SSH1: variants seen among roughly 807,000 people sequenced by gnomAD.
The protein encoded by SSH1 is protein phosphatase Slingshot homolog 1.
A neutral mutation model predicts 79.7 loss-of-function variants in SSH1; 43 were observed. The observed-to-expected ratio is 0.54, with a 90% CI of 0.42 to 0.70. The LOEUF (loss-of-function observed/expected upper bound fraction) is 0.70. Ranked by LOEUF, SSH1 falls within the 30% of genes least tolerant of loss-of-function variation. SSH1 has a pLI of 0.00. For synonymous variants in SSH1, 599 were observed against 538.3 expected (o/e 1.11, Z -1.56); for missense variants, 1,206 against 1,358.8 (o/e 0.89, Z 1.77).
chr12:108,847,525 G>A (rs1490806209), intron 2 of SSH1, among the ~76,000 whole-genome samples: 3 of 152,114 alleles, frequency 2.0e-5, no homozygotes, highest in African/African-American at 2.4e-5. Context: ...GTGCAGTGAC[G>A]CAAACTCGGC....
intron 2 of SSH1, among the ~76,000 whole-genome samples, chr12:108,824,855 T>C (rs1296172332): frequency 6.6e-6 from 1 of 152,214 alleles, no homozygotes; most frequent in Non-Finnish European, 1.5e-5. Context: ...AGCTATGAAT[T>C]ACTATCAATT....
intron 2 of SSH1, among the ~76,000 whole-genome samples, chr12:108,828,895 G>A (rs964766548): frequency 2.0e-5 from 3 of 152,328 alleles, no homozygotes; most frequent in Non-Finnish European, 1.5e-5. Context: ...GCTACGCCAC[G>A]TCATTGAACT....
intron 2 of SSH1, among the ~76,000 whole-genome samples, chr12:108,823,607 G>T (rs968289806): frequency 1.2e-4 from 19 of 152,144 alleles, no homozygotes; most frequent in Middle Eastern, 3.4e-3. Context: ...TTCTACATAG[G>T]CTCTCCAGGG....
In SSH1 at chr12:108,848,453, T is replaced by C. The variant is rs541052462; in HGVS notation, c.110+4185A>G. Among the ~76,000 whole-genome samples, 27 of 152,316 alleles carry C rather than the reference T, an allele frequency of 1.8e-4. No individual in the cohort carries two copies. The South Asian group carries it at 5.4e-3, about 30-fold the overall frequency. On this transcript the variant is annotated intron_variant, in intron 2 of 14. Coordinates refer to ENST00000326495, the MANE Select transcript of SSH1 (RefSeq NM_018984.4). ...ACAGCACCTCCTAGAGATGAGGTGATGGCAGCTCACCTTCAGGATCCATTG... is the reference window on the plus strand; with the variant it reads ...ACAGCACCTCCTAGAGATGAGGTGACGGCAGCTCACCTTCAGGATCCATTG...
Position 108,811,911 on chromosome 12 carries a change from A to AG in SSH1, c.402-584dup, listed in dbSNP as rs745874865. Among the ~76,000 whole-genome samples the AG allele has an allele frequency of 3.3e-4, 50 of 152,328 alleles. 1 individual carries two copies. In the East Asian group the frequency reaches 4.6e-3, roughly 14 times the overall value. On this transcript the variant is annotated intron_variant, in intron 5 of 14. Coordinates refer to ENST00000326495, the MANE Select transcript of SSH1 (RefSeq NM_018984.4). The stretch of plus-strand genomic sequence containing the variant: ...CCTCAGATTATGATGAAAATTCTTC[A>AG]GGCATTTAAAAGTCGACTTGTGAGA...
chr12:108,815,209 CG>C (rs1407987185), intron 5 of SSH1, among the ~76,000 whole-genome samples: 2 of 152,308 alleles, frequency 1.3e-5, no homozygotes, highest in East Asian at 3.9e-4. Flanking sequence ...GGCCACTAAC[CG>C]GGATGACCCT....
At chr12:108,834,772 A>G (rs1220652792) in intron 2 of SSH1, among the ~76,000 whole-genome samples, 1 of 152,176 alleles carries the variant, frequency 6.6e-6, no homozygotes, top group African/African-American at 2.4e-5. Context: ...TTTTAACTTC[A>G]CAATGGGATG....
chr12:108,818,383 G>A, intron 3 of SSH1, 70 bp from the exon 4 acceptor site: 2 of 1,424,638 alleles, frequency 1.4e-6, no homozygotes, highest in Non-Finnish European at 2.0e-6. Flanking sequence ...CCTCTGAAAG[G>A]CTGACTTTGA....
In SSH1 at chr12:108,792,406, T is replaced by A. The variant is rs2136981313; in HGVS notation, c.1773A>T (p.Glu591Asp). 1.9e-6 allele frequency: 3 copies of A among 1,614,160 alleles called. No individual in the cohort carries two copies. The East Asian group carries it at 6.7e-5, about 36-fold the overall frequency. ...TCCCTGCTCCCAGGCCCTCCTCCCT[T>A]TCCGTCTCCTCCACCTGCAGCAAGG... ...SGSLLQVEETEREEGLGAGRW... is the reference protein window; with the variant it reads ...SGSLLQVEETDREEGLGAGRW... The change falls in exon 14 of 15, where the codon GAA becomes GAT. Residue 591 changes from glutamate (E) to aspartate (D), a missense_variant. By Grantham distance (45) the Glu-to-Asp change is conservative. Coordinates refer to ENST00000326495, the MANE Select transcript of SSH1 (RefSeq NM_018984.4).
intron 11 of SSH1, among the ~76,000 whole-genome samples, chr12:108,801,661 G>C (rs1391804415): frequency 6.7e-6 from 1 of 149,948 alleles, no homozygotes; most frequent in African/African-American, 2.5e-5. Context: ...GTTTAGTCTT[G>C]ATTTTTAAAC....
intron 5 of SSH1, among the ~76,000 whole-genome samples, chr12:108,816,422 G>A (rs963822147): frequency 6.6e-6 from 1 of 152,216 alleles, no homozygotes; most frequent in Non-Finnish European, 1.5e-5. Context: ...TGATCTCACA[G>A]GCATTCATTT....
rs141685416 is a variant in SSH1, at chr12:108,851,156, A to G, written c.110+1482T>C. Among the ~76,000 whole-genome samples, 1,036 of 152,304 alleles carry G rather than the reference A, an allele frequency of 6.8e-3. 11 individuals are homozygous for G. Among genetic ancestry groups the G allele is most frequent in the Non-Finnish European group, 0.01 (705 of 68,016 alleles). The stretch of plus-strand genomic sequence containing the variant: ...AGCATAACATTAAAAGTGAGGACCC[A>G]GCAGAAGTCCCCCAGCGAGGACCCA... On this transcript the variant is annotated intron_variant, in intron 2 of 14. Transcript: ENST00000326495.
chr12:108,792,485 T>A lies in SSH1; in HGVS notation c.1694A>T (p.Glu565Val). The stretch of plus-strand genomic sequence containing the variant: ...CTCTAGTTTCTTCTTCACATCCTTC[T>A]CACAGAGTCCGGAACCTTGCTGGGG... Reference protein sequence around the residue: ...RQPQQGSGLCEKDVKKKLEFG... With the variant: ...RQPQQGSGLCVKDVKKKLEFG... The change falls in exon 14 of 15, where the codon GAG (glutamate) becomes GTG (valine). Residue 565 changes from glutamate to valine, a missense_variant. Glu to Val is a moderately radical substitution (Grantham distance 121, BLOSUM62 -2). Transcript: ENST00000326495. The A allele has an allele frequency of 6.2e-7, 1 of 1,614,198 alleles. No individual in the cohort carries two copies. The highest frequency in any genetic ancestry group is 8.5e-7 in the Non-Finnish European group (1 of 1,180,030).
In SSH1 at chr12:108,792,307, C is replaced by T. The variant is rs767174024; in HGVS notation, c.1872G>A (p.Arg624=). 2 of 1,614,154 alleles carry T rather than the reference C, an allele frequency of 1.2e-6. No homozygotes were observed. Among genetic ancestry groups the T allele is most frequent in the South Asian group, 2.2e-5 (2 of 91,082 alleles). The change falls in exon 14 of 15, where the codon AGG becomes AGA. Residue 624 remains arginine, a synonymous_variant. Coordinates refer to ENST00000326495, the MANE Select transcript of SSH1 (RefSeq NM_018984.4). ...CTACCTCCATGCCGTTGGGACAGCT[C>T]CTCTTGCTGTTGTTGTTTAGGTTCT... ...NSENLNNNSK[R]SCPNGMEDDA...
rs1295849690 is a variant in SSH1, at chr12:108,780,616, G to A, written c.*7372C>T. Reference sequence around the variant, plus strand: ...GCCCATCCCACCCCATTCATGGCTGGAACCCAAAGAGAATTTGTTAGCTAT... The same window carrying A: ...GCCCATCCCACCCCATTCATGGCTGAAACCCAAAGAGAATTTGTTAGCTAT... On this transcript the variant is annotated 3_prime_UTR_variant, in exon 15 of 15. Coordinates refer to ENST00000326495, the MANE Select transcript of SSH1 (RefSeq NM_018984.4). 1 of 152,210 alleles carries A rather than the reference G, an allele frequency of 6.6e-6. No individual in the cohort carries two copies. Among genetic ancestry groups the A allele is most frequent in the Non-Finnish European group, 1.5e-5 (1 of 68,040 alleles). The allele number at this position is 152,210 out of a possible 1,614,324, so 9.4% of individuals were successfully genotyped here.
At chr12:108,805,750 G>T (rs1441656233) in intron 9 of SSH1, among the ~76,000 whole-genome samples, 2 of 151,616 alleles carry the variant, frequency 1.3e-5, no homozygotes, top group South Asian at 4.2e-4. Context: ...TAACTTCTTA[G>T]ATCCATCCAG....
chr12:108,808,994 TG>T (rs1277949122), intron 7 of SSH1, among the ~76,000 whole-genome samples: 2 of 151,980 alleles, frequency 1.3e-5, no homozygotes, highest in African/African-American at 4.8e-5. Flanking sequence ...CCGTCACACC[TG>T]GCTATTTTTT....
At chr12:108,852,766 G>A (rs2039070401) in intron 1 of SSH1, 88 bp from the exon 2 acceptor site, 4 of 1,607,166 alleles carry the variant, frequency 2.5e-6, no homozygotes, top group Admixed American at 1.7e-5. Flanking sequence ...CCCCGGTACT[G>A]GAAAAAGATA....
At position 108,792,334 on chromosome 12, in the gene SSH1, C is replaced by T. The variant is rs758588164; in HGVS notation, c.1845G>A (p.Ser615=). 4 of 1,614,034 alleles carry T rather than the reference C, an allele frequency of 2.5e-6. No individual in the cohort carries two copies. The highest frequency in any genetic ancestry group is 1.3e-5 in the African/African-American group (1 of 74,908). Residue 615 remains serine (S), a synonymous_variant, in exon 14 of 15, where the codon TCG becomes TCA. Coordinates refer to ENST00000326495, the MANE Select transcript of SSH1 (RefSeq NM_018984.4). ...TCTTGCTGTTGTTGTTTAGGTTCTCCGAGTTGAGCAGGTTTTGATCGAGCT... is the reference window on the plus strand; with the variant it reads ...TCTTGCTGTTGTTGTTTAGGTTCTCTGAGTTGAGCAGGTTTTGATCGAGCT... ...PTQLDQNLLN[S]ENLNNNSKRS... is the part of the protein sequence containing the mutation.
Sources: allele counts gnomAD v4.1 joint callset (sites outside exome capture counted in the v4.1 genomes callset), GRCh38; gene constraint gnomAD v4.1.1; transcripts MANE v1.5; gene names NCBI Gene and HGNC (gene_info 2026-07-23, HGNC 2026-07-21).